The following RFC3 variants were observed in gnomAD, a reference collection of about 807,000 sequenced individuals.
RFC3 encodes the protein replication factor C subunit 3, also known as A1 38 kDa subunit.
RFC3 carries 41 observed loss-of-function variants against 45.1 expected under a neutral mutation model. The observed-to-expected ratio is 0.91, with a 90% CI of 0.71 to 1.18. The LOEUF is 1.18. Ranked by LOEUF, RFC3 falls within the 50% of genes most tolerant of loss-of-function variation. The pLI is 0.00. For missense variants in RFC3, 423 were observed against 428.1 expected, an observed-to-expected ratio of 0.99 and a Z score of 0.10; for synonymous variants, 149 against 144.0, an observed-to-expected ratio of 1.03 and a Z score of -0.25.
chr13:33,936,585 A>T (rs562738623), intron 8 of RFC3, among the ~76,000 whole-genome samples: 2 of 152,284 alleles, frequency 1.3e-5, no homozygotes, highest in Non-Finnish European at 2.9e-5. Context: ...GGAAAACAGC[A>T]CGTGAGGATA....
intron 8 of RFC3, chr13:33,849,548 C>G (rs971309602): frequency 5.9e-5 from 9 of 151,910 alleles, no homozygotes; most frequent in African/African-American, 2.2e-4. Context: ...AGGACAATTG[C>G]AGTGATTTTT....
intron 8 of RFC3, among the ~76,000 whole-genome samples, chr13:33,845,117 G>A (rs947408986): frequency 6.6e-6 from 1 of 152,146 alleles, no homozygotes; most frequent in Non-Finnish European, 1.5e-5. Flanking sequence ...TTTCCTGCCT[G>A]TAAGATTTCC....
intron 8 of RFC3, among the ~76,000 whole-genome samples, chr13:33,856,050 A>G (rs1216450497): frequency 6.6e-6 from 1 of 152,132 alleles, no homozygotes; most frequent in Non-Finnish European, 1.5e-5. Flanking sequence ...GCCCATTCCT[A>G]TGTCCAGAAT....
intron 8 of RFC3, among the ~76,000 whole-genome samples, chr13:33,852,505 G>A (rs1454242967): frequency 2.6e-5 from 4 of 152,218 alleles, no homozygotes; most frequent in African/African-American, 9.6e-5. Context: ...GCAGAGCATA[G>A]AATAATGGTG....
chr13:33,898,057 A>G (rs2082613156), intron 8 of RFC3, among the ~76,000 whole-genome samples: 1 of 152,000 alleles, frequency 6.6e-6, no homozygotes, highest in South Asian at 2.1e-4. Context: ...CAATAGAAGT[A>G]GGGGACTTTA....
chr13:33,835,002 TTTG>T, intron 7 of RFC3, 143 bp from the exon 8 acceptor site: 1 of 550,710 alleles, frequency 1.8e-6, no homozygotes, highest in African/African-American at 1.9e-5. Flanking sequence ...TACTGGATTG[TTTG>T]TTAATTCATA....
chr13:33,873,911 T>A (rs1304160948), intron 8 of RFC3, among the ~76,000 whole-genome samples: 2 of 152,190 alleles, frequency 1.3e-5, no homozygotes, highest in Non-Finnish European at 2.9e-5. Context: ...CTTTAAATAG[T>A]CTAAGATTCT....
rs755061786 is a variant in RFC3 at position 33,830,783 on chromosome 13, A to G, written c.638A>G (p.His213Arg). ...EGLNLPSQLAHRLAEKSCRNL... is the reference protein window; with the variant it reads ...EGLNLPSQLARRLAEKSCRNL... ...CTGAATCTTCCTTCACAACTGGCTCATAGACTTGCAGAGAAGTCTTGTAGA... is the reference window on the plus strand; with the variant it reads ...CTGAATCTTCCTTCACAACTGGCTCGTAGACTTGCAGAGAAGTCTTGTAGA... Residue 213 changes from histidine (H) to arginine (R), a missense_variant, in exon 6 of 9, where the codon CAT becomes CGT. Transcript: ENST00000380071. 32 of 1,612,508 alleles carry G rather than the reference A, an allele frequency of 2.0e-5. No individual in the cohort carries two copies. Among genetic ancestry groups the G allele is most frequent in the Admixed American group, 5.0e-5 (3 of 59,994 alleles).
chr13:33,958,694 G>A (rs2083037753), intron 8 of RFC3, among the ~76,000 whole-genome samples: 1 of 152,192 alleles, frequency 6.6e-6, no homozygotes, highest in Non-Finnish European at 1.5e-5. Context: ...TGGGAAGACT[G>A]TGGAAAGCTC....
At chr13:33,855,982 A>G (rs1314411183) in intron 8 of RFC3, among the ~76,000 whole-genome samples, 1 of 152,080 alleles carries the variant, frequency 6.6e-6, no homozygotes, top group Non-Finnish European at 1.5e-5. Context: ...ATTAGATCTC[A>G]TTTGTCAGTT....
rs578090118 is a variant in RFC3 at position 33,831,954 on chromosome 13, G to A, written c.809+600G>A. Among the ~76,000 whole-genome samples, 26 of 152,294 alleles carry A rather than the reference G, an allele frequency of 1.7e-4. No homozygotes were observed. The South Asian group carries it at 4.6e-3, about 27-fold the overall frequency. ...ACCCTGTGCTTATAGATGACCATGC[G>A]TTCTACTAAGGATAGCATTGTGTAT... is the stretch of plus-strand genomic sequence containing the variant. On this transcript the variant is annotated intron_variant, in intron 7 of 8. Coordinates refer to ENST00000380071, the MANE Select transcript of RFC3 (RefSeq NM_002915.4).
intron 8 of RFC3, among the ~76,000 whole-genome samples, chr13:33,941,057 G>A (rs1343613842): frequency 6.6e-6 from 1 of 152,180 alleles, no homozygotes; most frequent in Non-Finnish European, 1.5e-5. Flanking sequence ...TTTTGTCAGG[G>A]CATGCCCACA....
At chr13:33,973,807 C>G in the RFC3 span, among the ~76,000 whole-genome samples, 1 of 151,944 alleles carries the variant, frequency 6.6e-6, no homozygotes, top group African/African-American at 2.4e-5. Flanking sequence ...TGCACCATCA[C>G]GCCTGGCTAA....
At chr13:33,878,941 A>G (rs1229382309) in intron 8 of RFC3, among the ~76,000 whole-genome samples, 1 of 152,192 alleles carries the variant, frequency 6.6e-6, no homozygotes, top group East Asian at 1.9e-4. Context: ...TCAGGCAAGC[A>G]TAAAAGGGGA....
intron 8 of RFC3, among the ~76,000 whole-genome samples, chr13:33,960,017 C>T (rs1336890613): frequency 6.6e-6 from 1 of 152,068 alleles, no homozygotes; most frequent in African/African-American, 2.4e-5. Flanking sequence ...AGGTGCCACA[C>T]ACTTTTCAAT....
intron 8 of RFC3, among the ~76,000 whole-genome samples, chr13:33,897,356 T>G (rs1566020613): frequency 1.3e-5 from 2 of 152,008 alleles, no homozygotes; most frequent in Non-Finnish European, 2.9e-5. Flanking sequence ...TAAAAATAAC[T>G]TGTTACATAT....
downstream of RFC3, among the ~76,000 whole-genome samples, chr13:33,838,028 C>G (rs1330870386): frequency 6.6e-6 from 1 of 151,986 alleles, no homozygotes; most frequent in Non-Finnish European, 1.5e-5. Flanking sequence ...TACACCTCCT[C>G]TGTCTTTCTT....
At chr13:33,856,392 T>A (rs1485522578) in intron 8 of RFC3, among the ~76,000 whole-genome samples, 1 of 152,136 alleles carries the variant, frequency 6.6e-6, no homozygotes, top group Non-Finnish European at 1.5e-5. Flanking sequence ...GGTATTAGGC[T>A]TAATACCTGG....
chr13:33,825,808 C>T lies in RFC3; in HGVS notation c.313C>T (p.Arg105Ter), dbSNP rs142666536. 234 of 1,597,100 alleles carry T rather than the reference C, an allele frequency of 1.5e-4. No homozygotes were observed. Among genetic ancestry groups the T allele is most frequent in the Non-Finnish European group, 1.9e-4 (218 of 1,171,266 alleles). The stretch of plus-strand genomic sequence containing the variant: ...GTGTAGTGATGCTGGAAATAGTGAC[C>T]GAGTAGTCATTCAGGAGATGTTGAA... ...VNPSDAGNSD[R>*]VVIQEMLKTV... is the part of the protein sequence containing the mutation. Residue 105 changes from arginine to a stop codon, truncating the protein, a stop_gained, in exon 4 of 9, where the codon CGA becomes TGA. Coordinates refer to ENST00000380071, the MANE Select transcript of RFC3 (RefSeq NM_002915.4). LOFTEE classifies it high-confidence loss of function.
Sources: allele counts gnomAD v4.1 joint callset (sites outside exome capture counted in the v4.1 genomes callset), GRCh38; gene constraint gnomAD v4.1.1; transcripts MANE v1.5; gene names NCBI Gene and HGNC (gene_info 2026-07-23, HGNC 2026-07-21).